The following ZNRF3 variants were observed in gnomAD, a reference collection of about 807,000 sequenced individuals.
ZNRF3 encodes the protein zinc and ring finger 3.
A neutral mutation model predicts 72.5 loss-of-function variants in ZNRF3; 23 were observed. The observed-to-expected ratio is 0.32, with a 90% CI of 0.23 to 0.45. ZNRF3 has a LOEUF of 0.45. ZNRF3 is among the 20% of genes least tolerant of loss of function. ZNRF3 has a pLI of 1.00. For missense variants in ZNRF3, 1,169 were observed against 1,272.1 expected, an observed-to-expected ratio of 0.92 and a Z score of 1.23; for synonymous variants, 610 against 545.3, an observed-to-expected ratio of 1.12 and a Z score of -1.65.
intron 2 of ZNRF3, among the ~76,000 whole-genome samples, chr22:29,034,388 A>G (rs1159285564): frequency 6.6e-6 from 1 of 152,096 alleles, no homozygotes; most frequent in Admixed American, 6.5e-5. Flanking sequence ...TCAGCCTTCC[A>G]CCTGTGAGTT....
At chr22:29,018,104 T>A in intron 2 of ZNRF3, 2 of 516,634 alleles carry the variant, frequency 3.9e-6, no homozygotes, top group South Asian at 2.8e-5. Context: ...GCAGACCGGA[T>A]CCAAACTGGA....
intron 1 of ZNRF3, among the ~76,000 whole-genome samples, chr22:28,942,649 C>T (rs1422366119): frequency 6.6e-6 from 1 of 152,144 alleles, no homozygotes; most frequent in African/African-American, 2.4e-5. Context: ...CTTAGGGGTC[C>T]GTGCTACGTC....
At chr22:28,999,931 A>G (rs2036114810) in intron 2 of ZNRF3, among the ~76,000 whole-genome samples, 1 of 152,250 alleles carries the variant, frequency 6.6e-6, no homozygotes, top group Non-Finnish European at 1.5e-5. Flanking sequence ...ACAAGACCTC[A>G]GACTGCAGAG....
chr22:29,003,721 TCCCAGCTACTCGG>T (rs1267195700), intron 2 of ZNRF3, among the ~76,000 whole-genome samples: 1 of 151,860 alleles, frequency 6.6e-6, no homozygotes, highest in African/African-American at 2.4e-5. Flanking sequence ...ATGCCTGTGG[TCCCAGCTACTCGG>T]GAGGCTGGAG....
chr22:28,936,207 T>A (rs563938140), intron 1 of ZNRF3, among the ~76,000 whole-genome samples: 1 of 152,202 alleles, frequency 6.6e-6, no homozygotes, highest in South Asian at 2.1e-4. Flanking sequence ...TCAGGAAAAA[T>A]GGTCTCCTCT....
chr22:28,891,840 T>A lies in ZNRF3; in HGVS notation c.300+7774T>A, dbSNP rs148244166. 7.5e-3 allele frequency among the ~76,000 whole-genome samples: 1,147 copies of A among 152,310 alleles called. 17 individuals carry two copies. The highest frequency in any genetic ancestry group is 0.027 in the African/African-American group (1,108 of 41,564). The stretch of plus-strand genomic sequence containing the variant: ...TTTCTTTTCCTCTTCTTTTTTTAAA[T>A]CACAAAAGTCTCATTCTAACTTAGT... On this transcript the variant is annotated intron_variant, in intron 1 of 8. Coordinates refer to ENST00000544604, the MANE Select transcript of ZNRF3 (RefSeq NM_001206998.2).
intron 1 of ZNRF3, among the ~76,000 whole-genome samples, chr22:28,913,197 A>G (rs1569243513): frequency 6.6e-6 from 1 of 152,252 alleles, no homozygotes; most frequent in South Asian, 2.1e-4. Flanking sequence ...AAAGGGTTCT[A>G]TGAGGATCTA....
chr22:28,948,070 C>G (rs1217913890), intron 1 of ZNRF3, among the ~76,000 whole-genome samples: 1 of 152,116 alleles, frequency 6.6e-6, no homozygotes, highest in Non-Finnish European at 1.5e-5. Flanking sequence ...GTCTCAATCT[C>G]TTGACCTTCT....
intron 2 of ZNRF3, among the ~76,000 whole-genome samples, chr22:29,020,787 GTGTGT>G (rs1569284286): frequency 2.0e-5 from 3 of 150,018 alleles, no homozygotes; most frequent in South Asian, 2.1e-4. Context: ...GTGTGTGTGT[GTGTGT>G]GTGTGTGTGT....
At chr22:28,908,368 A>G (rs1185017978) in intron 1 of ZNRF3, among the ~76,000 whole-genome samples, 2 of 152,170 alleles carry the variant, frequency 1.3e-5, no homozygotes, top group South Asian at 2.1e-4. Flanking sequence ...TTGCATGCCA[A>G]TCATGCTGTA....
intron 1 of ZNRF3, among the ~76,000 whole-genome samples, chr22:28,944,027 GA>G (rs1027722950): frequency 0.041 from 5,089 of 122,874 alleles, 132 homozygotes; most frequent in African/African-American, 0.073. Context: ...GGCCAAAAAG[GA>G]AAAAAAAAAA....
At chr22:28,976,948 A>G (rs1168240759) in intron 1 of ZNRF3, among the ~76,000 whole-genome samples, 1 of 152,222 alleles carries the variant, frequency 6.6e-6, no homozygotes, top group Non-Finnish European at 1.5e-5. Context: ...ACATGGGGCC[A>G]TATGTAAGTT....
chr22:28,930,624 A>G (rs2034688395), intron 1 of ZNRF3, among the ~76,000 whole-genome samples: 2 of 152,366 alleles, frequency 1.3e-5, no homozygotes, highest in Admixed American at 6.5e-5. Flanking sequence ...GTTATCTTGC[A>G]GGTTACACAC....
chr22:28,954,644 C>CT lies in ZNRF3; in HGVS notation c.301-32422dup, dbSNP rs373560147. Among the ~76,000 whole-genome samples, 1,257 of 149,656 alleles carry CT rather than the reference C, an allele frequency of 8.4e-3. 19 individuals are homozygous for CT. Among genetic ancestry groups the CT allele is most frequent in the African/African-American group, 0.028 (1,147 of 40,900 alleles). On this transcript the variant is annotated intron_variant, in intron 1 of 8. Coordinates refer to ENST00000544604, the MANE Select transcript of ZNRF3 (RefSeq NM_001206998.2). ...TATATCATCTCTGAAATTAGAATGTCTTTTTTTTTTGAGTCACTCTGTTGA... is the reference window on the plus strand; with the variant it reads ...TATATCATCTCTGAAATTAGAATGTCTTTTTTTTTTTGAGTCACTCTGTTGA...
At chr22:28,932,756 C>T (rs2034730031) in intron 1 of ZNRF3, among the ~76,000 whole-genome samples, 1 of 152,214 alleles carries the variant, frequency 6.6e-6, no homozygotes, top group Non-Finnish European at 1.5e-5. Context: ...TAAGAACCGT[C>T]ACAGAAGAAA....
chr22:28,896,460 C>T (rs767121830), intron 1 of ZNRF3, among the ~76,000 whole-genome samples: 36 of 152,006 alleles, frequency 2.4e-4, no homozygotes, highest in Non-Finnish European at 4.7e-4. Flanking sequence ...GACAGGGTTT[C>T]GCCATGTTGG....
At chr22:29,032,685 T>G (rs1286641990) in intron 2 of ZNRF3, among the ~76,000 whole-genome samples, 2 of 152,174 alleles carry the variant, frequency 1.3e-5, no homozygotes, top group Non-Finnish European at 2.9e-5. Context: ...CCATGGTGTT[T>G]GATGCTAACC....
In ZNRF3 at chr22:29,053,715, T is replaced by C. The variant is rs2037251212; in HGVS notation, c.*93T>C. On this transcript the variant is annotated 3_prime_UTR_variant, in exon 9 of 9. Transcript: ENST00000544604. ...AACAAAAACAAAAAATTTTTTTAGC[T>C]TTGACAAACACACAAAAGTGGTAAT... is the stretch of plus-strand genomic sequence containing the variant. The C allele has an allele frequency of 3.8e-6, 5 of 1,325,568 alleles. No homozygotes were observed. The highest frequency in any genetic ancestry group is 2.9e-5 in the African/African-American group (2 of 67,858). 82.1% of individuals were successfully genotyped at this position (1,325,568 alleles called of 1,614,324 possible).
At chr22:29,029,110 A>C (rs907978673) in intron 2 of ZNRF3, among the ~76,000 whole-genome samples, 1 of 152,210 alleles carries the variant, frequency 6.6e-6, no homozygotes, top group African/African-American at 2.4e-5. Flanking sequence ...AACCCCCTCA[A>C]AGTGCAGGGT....
Sources: gnomAD v4.1 joint callset for allele counts (sites outside exome capture counted in the v4.1 genomes callset) on GRCh38, gnomAD v4.1.1 for gene constraint, MANE v1.5 for transcripts, NCBI Gene and HGNC (gene_info 2026-07-23, HGNC 2026-07-21) for gene names.